LTBP1: variants seen among roughly 807,000 people sequenced by gnomAD.
The protein encoded by LTBP1 is latent transforming growth factor beta binding protein 1, also known as latent-transforming growth factor beta-binding protein 1.
A neutral mutation model predicts 207.6 loss-of-function variants in LTBP1; 129 were observed. The ratio of observed to expected loss-of-function variants is 0.62; its 90% confidence interval spans 0.54 to 0.72. LTBP1 has a LOEUF of 0.72. Ranked by LOEUF, LTBP1 falls within the 30% of genes least tolerant of loss-of-function variation. LTBP1 has a pLI of 0.00. For synonymous variants in LTBP1, 963 were observed against 833.7 expected, an observed-to-expected ratio of 1.16 and a Z score of -2.67; for missense variants, 2,281 against 2,217.2, an observed-to-expected ratio of 1.03 and a Z score of -0.58.
chr2:33,077,958 G>A (rs939335207), intron 3 of LTBP1, among the ~76,000 whole-genome samples: 1 of 152,156 alleles, frequency 6.6e-6, no homozygotes, highest in Non-Finnish European at 1.5e-5. Context: ...GAGGGGAAGT[G>A]GTGAAGCGGG....
Position 33,399,411 on chromosome 2 carries a change from C to T in LTBP1, c.*866C>T, listed in dbSNP as rs1199172338. 6.6e-6 allele frequency: 1 copy of T among 152,092 alleles called. No homozygotes were observed. Among genetic ancestry groups the T allele is most frequent in the African/African-American group, 2.4e-5 (1 of 41,418 alleles). 9.4% of individuals were successfully genotyped at this position (152,092 alleles called of 1,614,324 possible). ...ATGAGTACATGTGTATAAGTTGTAT[C>T]CCACTCTCCCCACTTTTATCTTTTC... On this transcript the variant is annotated 3_prime_UTR_variant, in exon 34 of 34. Transcript: ENST00000404816.
At chr2:33,084,897 G>A (rs1260586102) in intron 3 of LTBP1, among the ~76,000 whole-genome samples, 2 of 152,108 alleles carry the variant, frequency 1.3e-5, no homozygotes, top group Admixed American at 6.5e-5. Flanking sequence ...CCAGCCTTTG[G>A]GGGTTGAATG....
intron 4 of LTBP1, among the ~76,000 whole-genome samples, chr2:33,127,221 C>CT (rs1308293546): frequency 6.6e-6 from 1 of 151,852 alleles, no homozygotes; most frequent in Non-Finnish European, 1.5e-5. Flanking sequence ...TCTGCCTTGT[C>CT]TTTTGACTCT....
intron 26 of LTBP1, among the ~76,000 whole-genome samples, chr2:33,358,677 G>T (rs1327732059): frequency 1.3e-5 from 2 of 151,950 alleles, no homozygotes; most frequent in African/African-American, 4.8e-5. Flanking sequence ...TTGCTTTTTT[G>T]ATTTGTATTT....
intron 22 of LTBP1, among the ~76,000 whole-genome samples, chr2:33,305,962 A>T (rs2094083564): frequency 6.6e-6 from 1 of 152,218 alleles, no homozygotes; most frequent in African/African-American, 2.4e-5. Context: ...TGGTAGAAAG[A>T]TGACAGTGAT....
At chr2:33,284,464 C>A (rs1162344739) in intron 19 of LTBP1, among the ~76,000 whole-genome samples, 1 of 152,154 alleles carries the variant, frequency 6.6e-6, no homozygotes, top group Non-Finnish European at 1.5e-5. Context: ...GAGTCACGTT[C>A]GTCATTCGGC....
chr2:33,205,156 C>G (rs1467511000), intron 7 of LTBP1, among the ~76,000 whole-genome samples: 1 of 152,228 alleles, frequency 6.6e-6, no homozygotes, highest in Non-Finnish European at 1.5e-5. Context: ...ACTTGTCTCT[C>G]AAATGCTACT....
At chr2:33,375,512 T>C (rs2095126370) in intron 31 of LTBP1, among the ~76,000 whole-genome samples, 1 of 151,976 alleles carries the variant, frequency 6.6e-6, no homozygotes, top group Non-Finnish European at 1.5e-5. Context: ...AGGACCATTA[T>C]GTTGAGTTGT....
At chr2:33,077,387 A>G (rs1471394393) in intron 3 of LTBP1, among the ~76,000 whole-genome samples, 1 of 152,208 alleles carries the variant, frequency 6.6e-6, no homozygotes, top group Non-Finnish European at 1.5e-5. Flanking sequence ...AAGATATTTA[A>G]TTGGCTCAGG....
At chr2:33,315,115 A>C in intron 23 of LTBP1, 29 bp from the exon 24 acceptor site, 1 of 1,577,208 alleles carries the variant, frequency 6.3e-7, no homozygotes, top group South Asian at 1.2e-5. Flanking sequence ...ATTTTTTTCA[A>C]GTTTTTAAGA....
chr2:33,261,730 G>C (rs1034462794), intron 13 of LTBP1, among the ~76,000 whole-genome samples: 1 of 152,190 alleles, frequency 6.6e-6, no homozygotes, highest in Non-Finnish European at 1.5e-5. Flanking sequence ...TAGGCTGGAG[G>C]TATCTGTGGG....
intron 25 of LTBP1, among the ~76,000 whole-genome samples, chr2:33,345,754 T>A (rs987887265): frequency 2.0e-5 from 3 of 152,252 alleles, no homozygotes; most frequent in Admixed American, 2.0e-4. Flanking sequence ...GACGATTTTT[T>A]TTTTTCTGGA....
chr2:33,380,890 T>A (rs1293909441), intron 31 of LTBP1, among the ~76,000 whole-genome samples: 3 of 152,192 alleles, frequency 2.0e-5, no homozygotes, highest in African/African-American at 7.2e-5. Flanking sequence ...CTTACTTGGT[T>A]AATGAAGAAA....
chr2:33,375,282 G>T (rs1043359136), intron 31 of LTBP1, among the ~76,000 whole-genome samples: 1 of 152,172 alleles, frequency 6.6e-6, no homozygotes, highest in African/African-American at 2.4e-5. Flanking sequence ...TCCAGTTCTA[G>T]GAAATGAGTC....
At chr2:33,007,317 G>T (rs1687056340) in intron 2 of LTBP1, among the ~76,000 whole-genome samples, 1 of 152,210 alleles carries the variant, frequency 6.6e-6, no homozygotes, top group South Asian at 2.1e-4. Flanking sequence ...AAAATCTATG[G>T]CATGGCTTGG....
intron 24 of LTBP1, among the ~76,000 whole-genome samples, chr2:33,324,995 G>T (rs553461511): frequency 6.6e-6 from 1 of 152,102 alleles, no homozygotes; most frequent in Admixed American, 6.5e-5. Flanking sequence ...GTGAGCCACC[G>T]CACCTGGCCT....
At chr2:33,146,979 A>G (rs557076144) in intron 5 of LTBP1, among the ~76,000 whole-genome samples, 1 of 152,362 alleles carries the variant, frequency 6.6e-6, no homozygotes, top group African/African-American at 2.4e-5. Flanking sequence ...AGAGGTTATC[A>G]GTGACTTAAT....
At chr2:32,970,180 A>G (rs1680643753) in intron 2 of LTBP1, among the ~76,000 whole-genome samples, 1 of 152,172 alleles carries the variant, frequency 6.6e-6, no homozygotes, top group Non-Finnish European at 1.5e-5. Flanking sequence ...TGTCAGATGC[A>G]TAGTTTGCAA....
chr2:33,307,559 T>A lies in LTBP1; in HGVS notation c.3482-1875T>A, dbSNP rs373043553. Among the ~76,000 whole-genome samples, 337 of 152,296 alleles carry A rather than the reference T, an allele frequency of 2.2e-3. 2 individuals carry two copies. The highest frequency in any genetic ancestry group is 7.4e-3 in the African/African-American group (309 of 41,566). On this transcript the variant is annotated intron_variant, in intron 22 of 33. Coordinates refer to ENST00000404816, the MANE Select transcript of LTBP1 (RefSeq NM_206943.4). The stretch of plus-strand genomic sequence containing the variant: ...AGCACAAAAGGAGTGAGAGGGAATG[T>A]ATTGGGGATGGAAATGCCTGTTCCT...
Sources: gnomAD v4.1 joint callset for allele counts (sites outside exome capture counted in the v4.1 genomes callset) on GRCh38, gnomAD v4.1.1 for gene constraint, MANE v1.5 for transcripts, NCBI Gene and HGNC (gene_info 2026-07-23, HGNC 2026-07-21) for gene names.